ZFPM2: variants seen among roughly 807,000 people sequenced by gnomAD.
The protein encoded by ZFPM2 is zinc finger protein, FOG family member 2.
Under a neutral mutation model 98.6 loss-of-function variants are expected in ZFPM2, and 20 were observed. That is an observed-to-expected ratio of 0.20 (90% CI 0.14 to 0.29). The LOEUF (loss-of-function observed/expected upper bound fraction) is 0.29, where lower values mean the gene tolerates loss of function less well. Ranked by LOEUF, ZFPM2 falls within the 10% of genes least tolerant of loss-of-function variation. ZFPM2 has a pLI of 1.00. For synonymous variants in ZFPM2, 518 were observed against 502.7 expected (o/e 1.03, Z -0.41); for missense variants, 1,310 against 1,388.6 (o/e 0.94, Z 0.90).
chr8:105,521,964 G>A (rs1814072551), intron 3 of ZFPM2, among the ~76,000 whole-genome samples: 1 of 152,146 alleles, frequency 6.6e-6, no homozygotes, highest in African/African-American at 2.4e-5. Context: ...CAATAATTAG[G>A]TCACTAGGTT....
intron 5 of ZFPM2, among the ~76,000 whole-genome samples, chr8:105,738,405 T>A (rs1812135215): frequency 6.6e-6 from 1 of 152,122 alleles, no homozygotes; most frequent in Non-Finnish European, 1.5e-5. Flanking sequence ...CCACGTTTTC[T>A]TTATCCAGTC....
chr8:105,545,553 A>G (rs1350072782), intron 3 of ZFPM2, among the ~76,000 whole-genome samples: 1 of 152,198 alleles, frequency 6.6e-6, no homozygotes, highest in African/African-American at 2.4e-5. Flanking sequence ...TCAAAAAATT[A>G]AGATTGTGCT....
At chr8:105,369,729 T>C (rs920905953) in intron 1 of ZFPM2, among the ~76,000 whole-genome samples, 3 of 152,154 alleles carry the variant, frequency 2.0e-5, no homozygotes, top group African/African-American at 4.8e-5. Flanking sequence ...ATTTGTAACT[T>C]TTCTATCCAG....
chr8:105,603,491 CTGTTAAT>C (rs1160033514), intron 4 of ZFPM2, among the ~76,000 whole-genome samples: 1 of 152,002 alleles, frequency 6.6e-6, no homozygotes, highest in African/African-American at 2.4e-5. Context: ...AAAAATCTGA[CTGTTAAT>C]TGTTAAATGT....
intron 5 of ZFPM2, among the ~76,000 whole-genome samples, chr8:105,764,824 G>GA (rs1329607225): frequency 1.3e-5 from 2 of 151,684 alleles, no homozygotes; most frequent in African/African-American, 4.8e-5. Context: ...TCATTTAGAA[G>GA]AAAAAACACC....
At chr8:105,778,790 TG>T (rs1349627736) in intron 5 of ZFPM2, among the ~76,000 whole-genome samples, 1 of 152,178 alleles carries the variant, frequency 6.6e-6, no homozygotes, top group African/African-American at 2.4e-5. Context: ...TTAAAAATGC[TG>T]GTTCCGTTAT....
At chr8:105,641,785 G>A (rs1816952962) in intron 5 of ZFPM2, among the ~76,000 whole-genome samples, 1 of 152,044 alleles carries the variant, frequency 6.6e-6, no homozygotes, top group African/African-American at 2.4e-5. Context: ...CAGCATCACT[G>A]TGAGTTTCCT....
At chr8:105,777,678 T>C (rs991464500) in intron 5 of ZFPM2, among the ~76,000 whole-genome samples, 5 of 152,226 alleles carry the variant, frequency 3.3e-5, no homozygotes, top group Admixed American at 1.3e-4. Context: ...TTGCTGTGTA[T>C]TGTGCAGATC....
At chr8:105,743,536 T>C (rs1296595251) in intron 5 of ZFPM2, among the ~76,000 whole-genome samples, 2 of 151,994 alleles carry the variant, frequency 1.3e-5, no homozygotes, top group Non-Finnish European at 2.9e-5. Flanking sequence ...CCTCTATGGA[T>C]AATATGGAAG....
chr8:105,380,617 T>A lies in ZFPM2; in HGVS notation c.41-38527T>A, dbSNP rs1237663318. Among the ~76,000 whole-genome samples the A allele has an allele frequency of 2.8e-4, 18 of 63,740 alleles. 2 individuals carry two copies. In the East Asian group the frequency reaches 5.2e-3, roughly 18 times the overall value. 41.8% of individuals were successfully genotyped at this position (63,740 alleles called of 152,430 possible). A position where few individuals can be genotyped will look rare whatever the true frequency, so the allele number is the denominator to read the frequency against. On this transcript the variant is annotated intron_variant, in intron 1 of 7. Transcript: ENST00000407775. The stretch of plus-strand genomic sequence containing the variant: ...ATATATATATTATATATATATATAT[T>A]ATATATAACATATATATTATATATA...
intron 3 of ZFPM2, among the ~76,000 whole-genome samples, chr8:105,494,319 C>T (rs1813419057): frequency 6.7e-6 from 1 of 150,246 alleles, no homozygotes; most frequent in Non-Finnish European, 1.5e-5. Flanking sequence ...TGGAAACCAT[C>T]ACCATCTATC....
intron 3 of ZFPM2, among the ~76,000 whole-genome samples, chr8:105,503,052 T>C (rs1813628326): frequency 1.3e-5 from 2 of 152,206 alleles, no homozygotes; most frequent in African/African-American, 4.8e-5. Flanking sequence ...TTTAGCAGCA[T>C]CTGGTGTCTT....
intron 5 of ZFPM2, among the ~76,000 whole-genome samples, chr8:105,751,705 A>C (rs1302667809): frequency 6.6e-6 from 1 of 152,062 alleles, no homozygotes; most frequent in African/African-American, 2.4e-5. Flanking sequence ...TTCTTAAGCA[A>C]AAAAGGAGTT....
At chr8:105,578,369 A>G (rs1417297137) in intron 4 of ZFPM2, among the ~76,000 whole-genome samples, 1 of 151,692 alleles carries the variant, frequency 6.6e-6, no homozygotes, top group African/African-American at 2.4e-5. Context: ...CTAATCAGTT[A>G]CTACAATCTG....
chr8:105,777,075 T>C (rs2131101987), intron 5 of ZFPM2, among the ~76,000 whole-genome samples: 1 of 152,260 alleles, frequency 6.6e-6, no homozygotes, highest in South Asian at 2.1e-4. Context: ...TTAGTCAAGT[T>C]TGTAATTTTA....
In ZFPM2 at chr8:105,802,052, G is replaced by A. The variant is rs925727501; in HGVS notation, c.1970G>A (p.Ser657Asn). The A allele has an allele frequency of 1.2e-6, 2 of 1,613,740 alleles. No individual in the cohort carries two copies. The highest frequency in any genetic ancestry group is 8.5e-7 in the Non-Finnish European group (1 of 1,179,844). ...CAAACTAAGAAGCTCTCCACCTCCAGTAACAATGATGACAAAATTAATGGA... is the reference window on the plus strand; with the variant it reads ...CAAACTAAGAAGCTCTCCACCTCCAATAACAATGATGACAAAATTAATGGA... ...STQTKKLSTS[S>N]NNDDKINGKP... Residue 657 changes from serine to asparagine, a missense_variant, in exon 8 of 8, where the codon AGT (serine) becomes AAT (asparagine). By Grantham distance (46) the Ser-to-Asn change is conservative. Transcript: ENST00000407775.
chr8:105,665,322 T>C (rs563983491), intron 5 of ZFPM2, among the ~76,000 whole-genome samples: 41 of 152,266 alleles, frequency 2.7e-4, no homozygotes, highest in African/African-American at 9.1e-4. Flanking sequence ...AAATGAACTT[T>C]TGGGGGACAT....
At chr8:105,554,554 A>G (rs1814940731) in intron 3 of ZFPM2, among the ~76,000 whole-genome samples, 2 of 152,212 alleles carry the variant, frequency 1.3e-5, no homozygotes, top group African/African-American at 2.4e-5. Context: ...TTCTGACGCT[A>G]TAGCCTTCTG....
chr8:105,639,579 C>T (rs527357257), intron 5 of ZFPM2, among the ~76,000 whole-genome samples: 54 of 152,092 alleles, frequency 3.6e-4, no homozygotes, highest in African/African-American at 1.2e-3. Flanking sequence ...CCACTCTAAT[C>T]TTGATTTTCT....
Sources: gnomAD v4.1 joint callset for allele counts (sites outside exome capture counted in the v4.1 genomes callset) on GRCh38, gnomAD v4.1.1 for gene constraint, MANE v1.5 for transcripts, NCBI Gene and HGNC (gene_info 2026-07-23, HGNC 2026-07-21) for gene names.